The following LRRC49 variants were observed in gnomAD, a reference collection of about 807,000 sequenced individuals.
The protein encoded by LRRC49 is leucine rich repeat containing 49.
LRRC49 carries 50 observed loss-of-function variants against 83.3 expected under a neutral mutation model. The observed-to-expected ratio is 0.60, with a 90% CI of 0.48 to 0.76. The LOEUF (loss-of-function observed/expected upper bound fraction) is 0.76, where lower values mean the gene tolerates loss of function less well. Among genes scored for constraint, LRRC49 ranks in the 30% least tolerant of loss-of-function variants. LRRC49 has a pLI of 0.00. For synonymous variants in LRRC49, 286 were observed against 283.3 expected (o/e 1.01, Z -0.10); for missense variants, 704 against 809.1 (o/e 0.87, Z 1.58).
intron 11 of LRRC49, chr15:70,984,546 A>G (rs149408894): frequency 0.015 from 2,975 of 200,040 alleles, 139 homozygotes; most frequent in Admixed American, 0.1. Context: ...CATGCCATCA[A>G]CCATGTTCTT....
intron 8 of LRRC49, among the ~76,000 whole-genome samples, chr15:70,961,563 AG>A: frequency 6.6e-6 from 1 of 152,342 alleles, no homozygotes; most frequent in East Asian, 1.9e-4. Flanking sequence ...AATATTGCTC[AG>A]TGATAAAAAG....
Position 70,892,869 on chromosome 15 carries a change from A to C in LRRC49, c.-26A>C. ...TAGCGTCACCTGGAAGGCAGATCTA[A>C]CAGAGAACCTGGACTGTCTCCTATC... is the stretch of plus-strand genomic sequence containing the variant. On this transcript the variant is annotated 5_prime_UTR_variant, in exon 1 of 16. Transcript: ENST00000260382. 1 of 1,614,184 alleles carries C rather than the reference A, an allele frequency of 6.2e-7. No individual in the cohort carries two copies. Among genetic ancestry groups the C allele is most frequent in the South Asian group, 1.1e-5 (1 of 91,072 alleles).
chr15:71,052,745 G>A lies in LRRC49; in HGVS notation c.*3133G>A, dbSNP rs2040009232. ...TCCCATTTGAACACTAGAAAACTGAGGCATAGAGAGGATGAAAAAAAACGT... is the reference window on the plus strand; with the variant it reads ...TCCCATTTGAACACTAGAAAACTGAAGCATAGAGAGGATGAAAAAAAACGT... On this transcript the variant is annotated 3_prime_UTR_variant, in exon 16 of 16. Transcript: ENST00000260382. 1 of 152,056 alleles carries A rather than the reference G, an allele frequency of 6.6e-6. No individual in the cohort carries two copies. Among genetic ancestry groups the A allele is most frequent in the African/African-American group, 2.4e-5 (1 of 41,396 alleles). The allele number at this position is 152,056 out of a possible 1,614,324, so 9.4% of individuals were successfully genotyped here. A position where few individuals can be genotyped will look rare whatever the true frequency, so the allele number is the denominator to read the frequency against.
chr15:71,015,692 G>T (rs2038804158), intron 14 of LRRC49, among the ~76,000 whole-genome samples: 3 of 152,190 alleles, frequency 2.0e-5, no homozygotes, highest in Non-Finnish European at 2.9e-5. Flanking sequence ...CATACTTTTG[G>T]TGGTAATGAA....
chr15:71,046,317 C>T (rs1383455410), intron 15 of LRRC49, among the ~76,000 whole-genome samples: 3 of 152,174 alleles, frequency 2.0e-5, no homozygotes, highest in Admixed American at 6.5e-5. Flanking sequence ...ATATTCCCAC[C>T]AGCAGTGTAT....
chr15:70,928,863 C>T (rs1266140591), intron 7 of LRRC49, among the ~76,000 whole-genome samples: 2 of 152,204 alleles, frequency 1.3e-5, no homozygotes, highest in African/African-American at 4.8e-5. Flanking sequence ...CCGTGCCTGG[C>T]ACATATCTTT....
intron 7 of LRRC49, among the ~76,000 whole-genome samples, chr15:70,926,614 C>A (rs931147033): frequency 2.0e-5 from 3 of 152,000 alleles, no homozygotes; most frequent in Non-Finnish European, 2.9e-5. Context: ...GTGTGCTGCA[C>A]CCATTAACTT....
chr15:70,982,165 C>T (rs185578553), intron 10 of LRRC49, among the ~76,000 whole-genome samples: 1 of 152,082 alleles, frequency 6.6e-6, no homozygotes, highest in Non-Finnish European at 1.5e-5. Context: ...TTAACATACT[C>T]AGTGGTCTAA....
chr15:70,912,889 G>T (rs2141123979), intron 6 of LRRC49, among the ~76,000 whole-genome samples: 1 of 152,120 alleles, frequency 6.6e-6, no homozygotes. Flanking sequence ...ATGTTAGCCA[G>T]GATGGTCTCG....
chr15:70,858,355 AC>A (rs1219632601), intron 1 of LRRC49, among the ~76,000 whole-genome samples: 1 of 152,238 alleles, frequency 6.6e-6, no homozygotes, highest in East Asian at 1.9e-4. Flanking sequence ...TAATCCCAGC[AC>A]TTTTGGAGGC....
upstream of LRRC49, among the ~76,000 whole-genome samples, chr15:70,889,802 GAC>G (rs1202151242): frequency 6.6e-6 from 1 of 152,118 alleles, no homozygotes; most frequent in African/African-American, 2.4e-5. Flanking sequence ...CTGATTTTTA[GAC>G]AGTTAGTCCT....
chr15:70,918,464 AC>A (rs1019432031), intron 6 of LRRC49: 3 of 152,340 alleles, frequency 2.0e-5, no homozygotes, highest in African/African-American at 7.2e-5. Flanking sequence ...ACCATTTTGT[AC>A]CCTCACTAAA....
upstream of LRRC49, among the ~76,000 whole-genome samples, chr15:70,891,221 A>G (rs1415418983): frequency 6.6e-6 from 1 of 152,226 alleles, no homozygotes; most frequent in Admixed American, 6.5e-5. Context: ...GAGTGCAAAC[A>G]ATGTTTAGAA....
intron 7 of LRRC49, among the ~76,000 whole-genome samples, chr15:70,921,899 T>C (rs1046383716): frequency 6.6e-6 from 1 of 150,708 alleles, no homozygotes; most frequent in Non-Finnish European, 1.5e-5. Flanking sequence ...AGAAAAGTTA[T>C]TGCTTGTTTA....
At chr15:70,870,443 C>T (rs772569377) in intron 1 of LRRC49, among the ~76,000 whole-genome samples, 15 of 152,186 alleles carry the variant, frequency 9.9e-5, no homozygotes, top group Admixed American at 7.2e-4. Flanking sequence ...GAGTGATACA[C>T]TTCAAGACAG....
intron 8 of LRRC49, among the ~76,000 whole-genome samples, chr15:70,952,919 G>A (rs1417424989): frequency 1.3e-5 from 2 of 151,986 alleles, no homozygotes; most frequent in Non-Finnish European, 2.9e-5. Context: ...ATCATTGTTG[G>A]TTTAAAGCCT....
chr15:70,869,143 G>C (rs1314032239), intron 1 of LRRC49, among the ~76,000 whole-genome samples: 1 of 152,100 alleles, frequency 6.6e-6, no homozygotes, highest in Non-Finnish European at 1.5e-5. Flanking sequence ...GTTTATGATA[G>C]ATTATTATAA....
intron 1 of LRRC49, among the ~76,000 whole-genome samples, chr15:70,864,629 C>T (rs939820775): frequency 3.3e-5 from 5 of 152,228 alleles, no homozygotes; most frequent in African/African-American, 1.2e-4. Context: ...CATGCTTATT[C>T]TCTCCTTTTT....
intron 2 of LRRC49, among the ~76,000 whole-genome samples, chr15:70,886,417 T>A (rs2033408790): frequency 6.6e-6 from 1 of 151,850 alleles, no homozygotes; most frequent in Non-Finnish European, 1.5e-5. Context: ...ATTCTGAAAA[T>A]CAATGATATA....
Sources: gnomAD v4.1 joint callset for allele counts (sites outside exome capture counted in the v4.1 genomes callset) on GRCh38, gnomAD v4.1.1 for gene constraint, MANE v1.5 for transcripts, NCBI Gene and HGNC (gene_info 2026-07-23, HGNC 2026-07-21) for gene names.